The following ACVR2A variants were observed in gnomAD, a reference collection of about 807,000 sequenced individuals.
ACVR2A encodes the protein activin receptor type-2A.
Under a neutral mutation model 61.4 loss-of-function variants are expected in ACVR2A, and 7 were observed. The ratio of observed to expected loss-of-function variants is 0.11; its 90% CI spans 0.06 to 0.21. The LOEUF (loss-of-function observed/expected upper bound fraction) is 0.21, where lower values mean the gene tolerates loss of function less well. ACVR2A is among the 10% of genes least tolerant of loss of function. The probability of loss-of-function intolerance (pLI) is 1.00; values close to 1 mark genes in which losing one functional copy is unlikely to be tolerated. For missense variants in ACVR2A, 322 were observed against 621.7 expected (o/e 0.52, Z 5.13); for synonymous variants, 193 against 208.3 (o/e 0.93, Z 0.63).
intron 1 of ACVR2A, among the ~76,000 whole-genome samples, chr2:147,856,044 A>G (rs1685564010): frequency 6.6e-6 from 1 of 152,136 alleles, no homozygotes; most frequent in African/African-American, 2.4e-5. Flanking sequence ...TTTTCAGGTT[A>G]TCAAGGTCTT....
At chr2:147,847,957 G>A (rs941447717) in intron 1 of ACVR2A, among the ~76,000 whole-genome samples, 22 of 152,214 alleles carry the variant, frequency 1.4e-4, no homozygotes, top group African/African-American at 4.8e-4. Flanking sequence ...TTGCATAGAA[G>A]TAAGTTGAGA....
intron 1 of ACVR2A, among the ~76,000 whole-genome samples, chr2:147,852,721 T>C (rs931764100): frequency 6.6e-6 from 1 of 152,070 alleles, no homozygotes; most frequent in Non-Finnish European, 1.5e-5. Flanking sequence ...TAGGAAAGAC[T>C]TGCTGGACTT....
At chr2:147,919,756 G>A (rs1687336344) in intron 7 of ACVR2A, among the ~76,000 whole-genome samples, 1 of 152,088 alleles carries the variant, frequency 6.6e-6, no homozygotes, top group Non-Finnish European at 1.5e-5. Context: ...TCTACAACCA[G>A]GTGGAAGAAT....
chr2:147,886,013 G>C (rs1352951822), intron 1 of ACVR2A, among the ~76,000 whole-genome samples: 1 of 152,062 alleles, frequency 6.6e-6, no homozygotes, highest in Non-Finnish European at 1.5e-5. Context: ...ATTAAGCATA[G>C]TCAGAGACTG....
At chr2:147,908,193 G>A (rs1687033739) in intron 4 of ACVR2A, among the ~76,000 whole-genome samples, 2 of 152,016 alleles carry the variant, frequency 1.3e-5, no homozygotes, top group Non-Finnish European at 2.9e-5. Context: ...TGTGTAACAT[G>A]GTTTATTTTC....
intron 5 of ACVR2A, among the ~76,000 whole-genome samples, chr2:147,915,924 C>T (rs1256628571): frequency 2.6e-5 from 4 of 151,664 alleles, no homozygotes; most frequent in African/African-American, 7.3e-5. Context: ...TGTTTTGTTC[C>T]GTTGGTGGTA....
chr2:147,914,105 G>C (rs973488074), intron 4 of ACVR2A, among the ~76,000 whole-genome samples: 4 of 151,962 alleles, frequency 2.6e-5, no homozygotes, highest in African/African-American at 9.7e-5. Context: ...ATTAGAAGAA[G>C]AGAGAAAAAG....
chr2:147,879,559 A>T (rs1019526966), intron 1 of ACVR2A, among the ~76,000 whole-genome samples: 8 of 152,178 alleles, frequency 5.3e-5, no homozygotes, highest in African/African-American at 1.7e-4. Context: ...ATGGGGAGAA[A>T]GTGGTAGAAA....
In ACVR2A at chr2:147,918,395, A is replaced by G. The variant is rs1573709818; in HGVS notation, c.817-52A>G. The stretch of plus-strand genomic sequence containing the variant: ...TAGGTAAAAAGAAAAGTCTCCTTAT[A>G]CATATGGCCTTTGTCAAGAACATAA... On this transcript the variant is annotated intron_variant, in intron 6 of 10. Transcript: ENST00000241416. The G allele has an allele frequency of 1.3e-5, 20 of 1,518,064 alleles. No individual in the cohort carries two copies. In the East Asian group the frequency reaches 4.6e-4, roughly 35 times the overall value. The allele number at this position is 1,518,064 out of a possible 1,614,324, so 94.0% of individuals were successfully genotyped here.
intron 4 of ACVR2A, among the ~76,000 whole-genome samples, chr2:147,909,842 G>A (rs548126097): frequency 3.9e-5 from 6 of 151,954 alleles, no homozygotes; most frequent in African/African-American, 1.4e-4. Context: ...GGATCTCCCT[G>A]TGTTGCCTAG....
In ACVR2A at chr2:147,929,706, CAG is replaced by C. The variant is rs772380728; in HGVS notation, c.*2434_*2435del. 3 of 151,570 alleles carry C rather than the reference CAG, an allele frequency of 2.0e-5. No individual in the cohort carries two copies. Among genetic ancestry groups the C allele is most frequent in the South Asian group, 2.1e-4 (1 of 4,798 alleles). The allele number at this position is 151,570 out of a possible 1,614,324, so 9.4% of individuals were successfully genotyped here. On this transcript the variant is annotated 3_prime_UTR_variant, in exon 11 of 11. Transcript: ENST00000241416. Reference sequence around the variant, plus strand: ...AGTCAGTGCAGAGTGGGCAAGTTAACAGAAAGTTTGAGCTAGAGATACTGGAA... The same window carrying C: ...AGTCAGTGCAGAGTGGGCAAGTTAACAAAGTTTGAGCTAGAGATACTGGAA...
At chr2:147,894,858 G>A (rs1012005915) in intron 1 of ACVR2A, among the ~76,000 whole-genome samples, 1 of 152,096 alleles carries the variant, frequency 6.6e-6, no homozygotes, top group African/African-American at 2.4e-5. Context: ...TTACAACTCA[G>A]TCATACGTGG....
intron 1 of ACVR2A, among the ~76,000 whole-genome samples, chr2:147,859,489 CAA>C (rs74267449): frequency 3.8e-4 from 35 of 91,326 alleles, no homozygotes; most frequent in Admixed American, 3.4e-4. Flanking sequence ...TCACCACAGA[CAA>C]AAAAAAAAAA....
intron 1 of ACVR2A, among the ~76,000 whole-genome samples, chr2:147,849,978 G>A (rs1685406046): frequency 6.6e-6 from 1 of 152,054 alleles, no homozygotes; most frequent in South Asian, 2.1e-4. Context: ...TATTTCATGA[G>A]TCCAATGATT....
At chr2:147,849,396 C>T (rs542001530) in intron 1 of ACVR2A, among the ~76,000 whole-genome samples, 2 of 152,064 alleles carry the variant, frequency 1.3e-5, no homozygotes, top group Admixed American at 6.5e-5. Flanking sequence ...GGTAGAAATT[C>T]TGTTTTTTTA....
At chr2:147,874,509 A>G (rs1417242214) in intron 1 of ACVR2A, among the ~76,000 whole-genome samples, 1 of 151,938 alleles carries the variant, frequency 6.6e-6, no homozygotes, top group Non-Finnish European at 1.5e-5. Context: ...TCTCTTGATT[A>G]TTTCTCAAAC....
intron 1 of ACVR2A, among the ~76,000 whole-genome samples, chr2:147,853,182 G>T (rs1332652956): frequency 2.0e-5 from 3 of 151,896 alleles, no homozygotes; most frequent in African/African-American, 7.2e-5. Context: ...TATAGTTTTA[G>T]ATGATAAGCA....
chr2:147,877,477 A>G (rs1028507181), intron 1 of ACVR2A: 3 of 152,226 alleles, frequency 2.0e-5, no homozygotes, highest in African/African-American at 7.2e-5. Context: ...AAACATTAGC[A>G]TGGCCCCTGG....
At chr2:147,873,312 A>G (rs1040852291) in intron 1 of ACVR2A, among the ~76,000 whole-genome samples, 1 of 152,002 alleles carries the variant, frequency 6.6e-6, no homozygotes, top group Non-Finnish European at 1.5e-5. Context: ...TTAAAATAAA[A>G]TTAATTTTAG....
Sources: gnomAD v4.1 joint callset for allele counts (sites outside exome capture counted in the v4.1 genomes callset) on GRCh38, gnomAD v4.1.1 for gene constraint, MANE v1.5 for transcripts, NCBI Gene and HGNC (gene_info 2026-07-23, HGNC 2026-07-21) for gene names.